Variants in TOX3 observed in about 807,000 individuals in gnomAD.
TOX3 encodes CAG trinucleotide repeat-containing gene F9 protein.
In TOX3, 22 loss-of-function variants were observed where a neutral mutation model predicts 64.3. The observed-to-expected ratio is 0.34, with a 90% CI of 0.24 to 0.49. The LOEUF is 0.49. Ranked by LOEUF, TOX3 falls within the 20% of genes least tolerant of loss-of-function variation. TOX3 has a pLI of 0.99. For missense variants in TOX3, 661 were observed against 714.4 expected (o/e 0.93, Z 0.85); for synonymous variants, 291 against 273.6 (o/e 1.06, Z -0.63).
intron 1 of TOX3, among the ~76,000 whole-genome samples, chr16:52,512,274 A>G (rs1435705854): frequency 1.3e-5 from 2 of 152,220 alleles, no homozygotes; most frequent in Admixed American, 1.3e-4. Flanking sequence ...AAAGGGATGA[A>G]AATTTGCCCC....
chr16:52,493,394 T>C (rs141471746), intron 1 of TOX3, among the ~76,000 whole-genome samples: 1 of 152,274 alleles, frequency 6.6e-6, no homozygotes, highest in African/African-American at 2.4e-5. Flanking sequence ...AGCGTATCCA[T>C]AAATTGGACC....
At chr16:52,518,043 T>A (rs568688562) in intron 1 of TOX3, among the ~76,000 whole-genome samples, 1 of 152,294 alleles carries the variant, frequency 6.6e-6, no homozygotes, top group East Asian at 1.9e-4. Context: ...CCTCCCCTTT[T>A]GGAATTTGAA....
intron 1 of TOX3, among the ~76,000 whole-genome samples, chr16:52,540,874 C>T (rs191687120): frequency 4.1e-4 from 62 of 152,290 alleles, no homozygotes; most frequent in Admixed American, 1.8e-3. Flanking sequence ...ATGATTGAAC[C>T]ATCCAAAACA....
chr16:52,528,893 C>T (rs1962785140), intron 1 of TOX3, among the ~76,000 whole-genome samples: 1 of 152,180 alleles, frequency 6.6e-6, no homozygotes, highest in South Asian at 2.1e-4. Context: ...GGGCAGGCTT[C>T]CTGAAGCTAA....
chr16:52,532,366 G>C (rs1007735389), intron 1 of TOX3, among the ~76,000 whole-genome samples: 1 of 152,294 alleles, frequency 6.6e-6, no homozygotes, highest in East Asian at 1.9e-4. Context: ...AAGGGTTCTT[G>C]TGTACTTTCC....
chr16:52,535,761 A>T (rs1368615172), intron 1 of TOX3, among the ~76,000 whole-genome samples: 1 of 152,150 alleles, frequency 6.6e-6, no homozygotes, highest in African/African-American at 2.4e-5. Context: ...CATTTCCCTC[A>T]ACTCCTGTTC....
At chr16:52,453,336 A>G (rs1014833779) in intron 3 of TOX3, among the ~76,000 whole-genome samples, 3 of 151,816 alleles carry the variant, frequency 2.0e-5, no homozygotes, top group Non-Finnish European at 4.4e-5. Context: ...GGCACGCACC[A>G]CCATACCCAG....
At chr16:52,542,732 G>C (rs756959511) in intron 1 of TOX3, among the ~76,000 whole-genome samples, 4 of 152,080 alleles carry the variant, frequency 2.6e-5, no homozygotes, top group Non-Finnish European at 5.9e-5. Context: ...AATATCTTAC[G>C]TGAAGACCTG....
At chr16:52,545,990 C>T (rs1220615036) in intron 1 of TOX3, among the ~76,000 whole-genome samples, 2 of 152,192 alleles carry the variant, frequency 1.3e-5, no homozygotes, top group East Asian at 3.9e-4. Context: ...AAACTTAGCC[C>T]CCCCAAAAAA....
intron 1 of TOX3, among the ~76,000 whole-genome samples, chr16:52,511,948 C>A (rs187339885): frequency 9.9e-5 from 15 of 152,270 alleles, no homozygotes; most frequent in Non-Finnish European, 4.4e-5. Flanking sequence ...AGGGAACGAG[C>A]AGAACACAGA....
chr16:52,541,114 T>C (rs951984208), intron 1 of TOX3, among the ~76,000 whole-genome samples: 1 of 152,082 alleles, frequency 6.6e-6, no homozygotes, highest in African/African-American at 2.4e-5. Context: ...CCTGGGCCCA[T>C]GAATCAGAAT....
intron 1 of TOX3, among the ~76,000 whole-genome samples, chr16:52,489,527 C>T (rs1035051819): frequency 1.3e-5 from 2 of 152,142 alleles, no homozygotes; most frequent in African/African-American, 4.8e-5. Context: ...GAGTTATTTT[C>T]ATTTGGAAAC....
intron 1 of TOX3, among the ~76,000 whole-genome samples, chr16:52,497,499 T>C (rs912932514): frequency 1.3e-5 from 2 of 152,242 alleles, no homozygotes; most frequent in African/African-American, 2.4e-5. Context: ...TCTCTGCTAC[T>C]GCCAGAAAGG....
chr16:52,470,438 AT>A (rs897801868), intron 1 of TOX3, among the ~76,000 whole-genome samples: 14 of 152,178 alleles, frequency 9.2e-5, no homozygotes, highest in Non-Finnish European at 1.3e-4. Context: ...ATCACAGAGT[AT>A]TTTTTTTAAG....
intron 6 of TOX3, among the ~76,000 whole-genome samples, chr16:52,441,643 C>G (rs1959992644): frequency 6.6e-6 from 1 of 152,132 alleles, no homozygotes. Context: ...AGACATCAAA[C>G]AGCCATCCAT....
intron 1 of TOX3, among the ~76,000 whole-genome samples, chr16:52,497,575 A>G (rs1251700042): frequency 6.6e-6 from 1 of 152,370 alleles, no homozygotes; most frequent in South Asian, 2.1e-4. Flanking sequence ...ACAAGTCACT[A>G]AAGATTAACA....
intron 6 of TOX3, among the ~76,000 whole-genome samples, chr16:52,443,982 TC>T (rs1418507812): frequency 1.3e-5 from 2 of 152,106 alleles, no homozygotes; most frequent in African/African-American, 4.8e-5. Context: ...CAGGTCCCAA[TC>T]CCTGACCAGA....
At chr16:52,501,343 A>G (rs1201329695) in intron 1 of TOX3, among the ~76,000 whole-genome samples, 1 of 152,222 alleles carries the variant, frequency 6.6e-6, no homozygotes, top group Non-Finnish European at 1.5e-5. Flanking sequence ...GTATTTCAGA[A>G]CATACCAAAA....
chr16:52,518,933 A>G (rs1218041750), intron 1 of TOX3, among the ~76,000 whole-genome samples: 3 of 151,944 alleles, frequency 2.0e-5, no homozygotes, highest in African/African-American at 7.3e-5. Context: ...ATTTTTTCCA[A>G]CCAAAATCTA....
Sources: gnomAD v4.1 joint callset for allele counts (sites outside exome capture counted in the v4.1 genomes callset) on GRCh38, gnomAD v4.1.1 for gene constraint, MANE v1.5 for transcripts, NCBI Gene and HGNC (gene_info 2026-07-23, HGNC 2026-07-21) for gene names.